The following HACD4 variants were observed in gnomAD, a reference collection of about 807,000 sequenced individuals.
HACD4 encodes very-long-chain (3R)-3-hydroxyacyl-CoA dehydratase 4.
HACD4 carries 35 observed loss-of-function variants against 33.3 expected under a neutral mutation model. The ratio of observed to expected loss-of-function variants is 1.05; its 90% CI spans 0.80 to 1.39. HACD4 has a LOEUF of 1.39. HACD4 is among the 40% of genes most tolerant of loss of function. The pLI, the probability that HACD4 is intolerant of heterozygous loss-of-function variation, is 0.00. For missense variants in HACD4, 323 were observed against 276.5 expected, an observed-to-expected ratio of 1.17 and a Z score of -1.19; for synonymous variants, 118 against 98.0, an observed-to-expected ratio of 1.20 and a Z score of -1.21.
chr9:21,022,662 A>C (rs1817950325), intron 3 of HACD4, among the ~76,000 whole-genome samples: 1 of 150,156 alleles, frequency 6.7e-6, no homozygotes, highest in Non-Finnish European at 1.5e-5. Flanking sequence ...TCAAAACCAC[A>C]ATGAGATACC....
At position 21,006,925 on chromosome 9, in the gene HACD4, A is replaced by G; in HGVS notation, c.*112T>C. The G allele has an allele frequency of 1.3e-6, 1 of 742,718 alleles. No homozygotes were observed. The highest frequency in any genetic ancestry group is 2.5e-5 in the East Asian group (1 of 40,106). The allele number at this position is 742,718 out of a possible 1,614,324, so 46.0% of individuals were successfully genotyped here. ...GGGGTATGTGCAGTTATTTCATGTA[A>G]TGGATTTTTATCAAATACAAGGTAT... On this transcript the variant is annotated 3_prime_UTR_variant, in exon 7 of 7. Transcript: ENST00000495827. This position sits in a 1 kb window ranked among gnomAD's most constrained non-coding sequence, Gnocchi z 4.6.
intron 5 of HACD4, among the ~76,000 whole-genome samples, chr9:21,010,631 G>T (rs1000220152): frequency 6.6e-6 from 1 of 152,030 alleles, no homozygotes; most frequent in Non-Finnish European, 1.5e-5. Flanking sequence ...GAGGAAGAAG[G>T]ATGGTTTCAG....
intron 5 of HACD4, among the ~76,000 whole-genome samples, chr9:21,008,367 G>C (rs753152699): frequency 2.6e-5 from 4 of 152,186 alleles, no homozygotes; most frequent in Non-Finnish European, 5.9e-5. Flanking sequence ...TTTGTCCATG[G>C]TATACCTTAT....
chr9:21,015,708 A>G (rs768351585), intron 4 of HACD4, 190 bp downstream of exon 4: 3 of 459,590 alleles, frequency 6.5e-6, no homozygotes, highest in South Asian at 7.7e-5. Flanking sequence ...ATACCACGGT[A>G]GGTTTTCATT....
chr9:21,030,169 G>A (rs917290485), intron 1 of HACD4, among the ~76,000 whole-genome samples: 3 of 151,826 alleles, frequency 2.0e-5, no homozygotes, highest in African/African-American at 4.8e-5. Context: ...GGCTGGGCGC[G>A]GTGGCTCAGG....
chr9:21,029,865 G>A (rs1818162413), intron 1 of HACD4, among the ~76,000 whole-genome samples: 1 of 151,096 alleles, frequency 6.6e-6, no homozygotes. Context: ...GCCTGATGCC[G>A]CGGCCCAGCA....
rs1209410784 is a variant in HACD4 at position 21,026,740 on chromosome 9, A to G, written c.143-17T>C. ...CCATTGAATCTGTATCCCGTGGGTT[A>G]AAAATGCAGATATAGGAAGAAAAAA... On this transcript the variant is annotated splice_polypyrimidine_tract_variant and intron_variant, in intron 2 of 6. Coordinates refer to ENST00000495827, the MANE Select transcript of HACD4 (RefSeq NM_001010915.5). 1 of 1,608,756 alleles carries G rather than the reference A, an allele frequency of 6.2e-7. No homozygotes were observed. Among genetic ancestry groups the G allele is most frequent in the Admixed American group, 1.7e-5 (1 of 59,356 alleles).
chr9:21,020,053 C>T (rs953614771), intron 3 of HACD4, among the ~76,000 whole-genome samples: 8 of 152,122 alleles, frequency 5.3e-5, no homozygotes, highest in East Asian at 1.9e-4. Context: ...TCCCTGCTTG[C>T]CCTGATCAGA....
rs1319900617 is a variant in HACD4 at position 21,001,353 on chromosome 9, A to T, written c.*5684T>A. ...ATTTGGGCAGCAGAAGAATCAGTAT[A>T]CATGAAAATAGGACAATGGAAATTA... On this transcript the variant is annotated 3_prime_UTR_variant, in exon 7 of 7. Transcript: ENST00000495827. 1.3e-5 allele frequency: 2 copies of T among 152,080 alleles called. No individual in the cohort carries two copies. The highest frequency in any genetic ancestry group is 2.9e-5 in the Non-Finnish European group (2 of 67,958). 9.4% of individuals were successfully genotyped at this position (152,080 alleles called of 1,614,324 possible). A position where few individuals can be genotyped will look rare whatever the true frequency, so the allele number is the denominator to read the frequency against.
chr9:21,030,269 C>CAAAAAA (rs57245979), intron 1 of HACD4, among the ~76,000 whole-genome samples: 2 of 110,888 alleles, frequency 1.8e-5, no homozygotes, highest in East Asian at 2.4e-4. Context: ...TGGCAACTTA[C>CAAAAAA]AAAAAAAAAA....
chr9:21,012,615 A>C (rs548479992), intron 4 of HACD4, among the ~76,000 whole-genome samples: 8 of 152,340 alleles, frequency 5.3e-5, no homozygotes, highest in Admixed American at 5.2e-4. Flanking sequence ...ATCTATGTGC[A>C]TATTTACTAT....
chr9:21,026,791 G>T, intron 2 of HACD4, 68 bp from the exon 3 acceptor site: 2 of 1,330,502 alleles, frequency 1.5e-6, no homozygotes, highest in Non-Finnish European at 1.1e-6. Context: ...AATTTATGCA[G>T]CACTTTGAAG....
At position 21,026,654 on chromosome 9, in the gene HACD4, T is replaced by C; in HGVS notation, c.212A>G (p.Glu71Gly). 6.2e-7 allele frequency: 1 copy of C among 1,613,634 alleles called. No homozygotes were observed. Among genetic ancestry groups the C allele is most frequent in the Non-Finnish European group, 8.5e-7 (1 of 1,179,544 alleles). The change falls in exon 3 of 7, where the codon GAA becomes GGA. Residue 71 changes from glutamate to glycine, a missense_variant. By Grantham distance (98) the Glu-to-Gly change is moderately conservative (BLOSUM62 -2). Coordinates refer to ENST00000495827, the MANE Select transcript of HACD4 (RefSeq NM_001010915.5). ...MRLCQSVSLL[E>G]LLHIYVGIES... ...AATGCCAACATATATGTGCAGCAGT[T>C]CCAGGAGAGATACGGATTGGCAAAG...
At chr9:21,023,003 T>C (rs1179798294) in intron 3 of HACD4, among the ~76,000 whole-genome samples, 1 of 151,990 alleles carries the variant, frequency 6.6e-6, no homozygotes, top group Non-Finnish European at 1.5e-5. Context: ...ATTAAGAAAA[T>C]GTGGCACATA....
At chr9:21,022,780 C>CT (rs1255971725) in intron 3 of HACD4, among the ~76,000 whole-genome samples, 1 of 151,986 alleles carries the variant, frequency 6.6e-6, no homozygotes, top group Admixed American at 6.6e-5. Flanking sequence ...GGACTGTAAA[C>CT]TAGTTCAACC....
chr9:21,030,036 C>T (rs1014773044), intron 1 of HACD4, among the ~76,000 whole-genome samples: 4 of 151,996 alleles, frequency 2.6e-5, no homozygotes, highest in Non-Finnish European at 4.4e-5. Flanking sequence ...TGCTTAAAAC[C>T]AAATATAGTG....
At chr9:21,023,191 G>C (rs1427859227) in intron 3 of HACD4, among the ~76,000 whole-genome samples, 4 of 145,334 alleles carry the variant, frequency 2.8e-5, no homozygotes, top group African/African-American at 1.0e-4. Context: ...ACACAGGAAG[G>C]GGAATATCAC....
chr9:21,029,494 G>T (rs139651010), intron 1 of HACD4, 96 bp from the exon 2 acceptor site: 1 of 692,262 alleles, frequency 1.4e-6, no homozygotes, highest in South Asian at 2.3e-5. Context: ...ACCTGAGAAA[G>T]CAAAAGAAAA....
intron 4 of HACD4, among the ~76,000 whole-genome samples, chr9:21,014,270 G>T (rs1049464664): frequency 2.0e-5 from 3 of 152,156 alleles, no homozygotes; most frequent in African/African-American, 7.2e-5. Context: ...GTATATGGAT[G>T]TTCATGGCAG....
Sources: allele counts gnomAD v4.1 joint callset (sites outside exome capture counted in the v4.1 genomes callset), GRCh38; gene constraint gnomAD v4.1.1; non-coding constraint Gnocchi (gnomAD v3.1); transcripts MANE v1.5; gene names NCBI Gene and HGNC (gene_info 2026-07-23, HGNC 2026-07-21).